Variants in CCDC7 observed in about 807,000 individuals in gnomAD.
CCDC7 encodes the protein coiled-coil domain-containing protein 7.
In CCDC7, 183 loss-of-function variants were observed where a neutral mutation model predicts 196.9. The observed-to-expected ratio is 0.93, with a 90% confidence interval of 0.82 to 1.05. The LOEUF is 1.05. Ranked by LOEUF, CCDC7 falls within the 50% of genes least tolerant of loss-of-function variation. CCDC7 has a pLI of 0.00. For synonymous variants in CCDC7, 525 were observed against 484.6 expected, an observed-to-expected ratio of 1.08 and a Z score of -1.10; for missense variants, 1,540 against 1,482.2, an observed-to-expected ratio of 1.04 and a Z score of -0.64.
chr10:32,803,913 C>G (rs1357995147), intron 29 of CCDC7, among the ~76,000 whole-genome samples: 1 of 152,054 alleles, frequency 6.6e-6, no homozygotes, highest in Non-Finnish European at 1.5e-5. Context: ...GTCGCCTCCA[C>G]CATTGAAACT....
chr10:32,444,752 G>A (rs561194061), upstream of CCDC7, among the ~76,000 whole-genome samples: 182 of 149,264 alleles, frequency 1.2e-3, 1 homozygote, highest in African/African-American at 4.4e-3. Context: ...ATTGTTGGTG[G>A]AAAGCTTAAT....
intron 18 of CCDC7, among the ~76,000 whole-genome samples, chr10:32,613,038 G>T (rs2062360413): frequency 6.6e-6 from 1 of 152,130 alleles, no homozygotes; most frequent in South Asian, 2.1e-4. Flanking sequence ...ATTCGACTGT[G>T]AAACATGTGG....
chr10:32,527,558 A>G (rs2048871478), intron 11 of CCDC7, among the ~76,000 whole-genome samples: 1 of 152,200 alleles, frequency 6.6e-6, no homozygotes. Flanking sequence ...TTAAGCTTTC[A>G]GTATTCTAAA....
rs771519336 is a variant in CCDC7 at position 32,694,874 on chromosome 10, T to C, written c.2345-5T>C. 8 of 1,570,676 alleles carry C rather than the reference T, an allele frequency of 5.1e-6. No homozygotes were observed. The highest frequency in any genetic ancestry group is 1.7e-5 in the Admixed American group (1 of 57,460). On this transcript the variant is annotated splice_region_variant and splice_polypyrimidine_tract_variant and intron_variant, in intron 23 of 41. Coordinates refer to ENST00000639629, the Ensembl canonical transcript of CCDC7. ...TTAAGAGACTAAATGCATCTCCTTATGTAGCTCATGATGAAGAACCAGGCA... is the reference window on the plus strand; with the variant it reads ...TTAAGAGACTAAATGCATCTCCTTACGTAGCTCATGATGAAGAACCAGGCA...
At chr10:32,653,809 T>C (rs917759605) in intron 20 of CCDC7, among the ~76,000 whole-genome samples, 7 of 152,204 alleles carry the variant, frequency 4.6e-5, no homozygotes, top group African/African-American at 1.4e-4. Context: ...TATGTGTGGA[T>C]TTCTATGAGT....
intron 11 of CCDC7, 87 bp downstream of exon 12, chr10:32,518,592 TATATA>T (rs1257324857): frequency 9.7e-7 from 1 of 1,027,096 alleles, no homozygotes; most frequent in Non-Finnish European, 1.3e-6. Flanking sequence ...ATTTAAATGT[TATATA>T]ATATGTTTTT....
At chr10:32,507,218 C>A (rs1443439769) in intron 9 of CCDC7, among the ~76,000 whole-genome samples, 1 of 152,024 alleles carries the variant, frequency 6.6e-6, no homozygotes, top group Non-Finnish European at 1.5e-5. Context: ...GTCTCGATCT[C>A]TTGAGCTTGT....
rs56089046 is a variant in CCDC7 at position 32,619,910 on chromosome 10, C to CTTTTTTTTTTTTTTTTTTT, written c.1802-14332_1802-14314dup. Among the ~76,000 whole-genome samples the CTTTTTTTTTTTTTTTTTTT allele has an allele frequency of 4.3e-4, 34 of 79,274 alleles. 5 individuals carry two copies. The highest frequency in any genetic ancestry group is 2.1e-3 in the African/African-American group (32 of 15,306). The allele number at this position is 79,274 out of a possible 152,430, so 52.0% of individuals were successfully genotyped here. On this transcript the variant is annotated intron_variant, in intron 18 of 41. Coordinates refer to ENST00000639629, the Ensembl canonical transcript of CCDC7. ...CACTGCTCCCAGCCCTTCAATGTAC[C>CTTTTTTTTTTTTTTTTTTT]TTTTTTTTTTTTTTTTTTTTTTTTT...
At chr10:32,468,978 C>G (rs1449281090) in intron 5 of CCDC7, among the ~76,000 whole-genome samples, 2 of 152,236 alleles carry the variant, frequency 1.3e-5, no homozygotes, top group Non-Finnish European at 2.9e-5. Context: ...GTAGGCTGAA[C>G]CTACAGTAGC....
chr10:32,689,922 A>G (rs1040436631), intron 23 of CCDC7, among the ~76,000 whole-genome samples: 1 of 152,070 alleles, frequency 6.6e-6, no homozygotes, highest in Non-Finnish European at 1.5e-5. Flanking sequence ...TTTAGTAGAG[A>G]CAGAGTTTCA....
intron 28 of CCDC7, among the ~76,000 whole-genome samples, chr10:32,729,989 T>A (rs1565318069): frequency 1.3e-5 from 2 of 152,206 alleles, no homozygotes; most frequent in African/African-American, 4.8e-5. Flanking sequence ...ATACTCTTTT[T>A]AAAATCAGCT....
At chr10:32,545,905 CAAAAA>C (rs11326989) in intron 13 of CCDC7, among the ~76,000 whole-genome samples, 1 of 64,160 alleles carries the variant, frequency 1.6e-5, no homozygotes, top group African/African-American at 5.2e-5. Context: ...AACTCCGTCT[CAAAAA>C]AAAAAAAAAA....
chr10:32,820,906 G>A (rs2090038883), intron 31 of CCDC7, among the ~76,000 whole-genome samples: 1 of 152,094 alleles, frequency 6.6e-6, no homozygotes, highest in East Asian at 1.9e-4. Context: ...ATAGGCATGG[G>A]TAAGGACTTC....
rs140186750 is a variant in CCDC7 at position 32,803,689 on chromosome 10, T to A, written c.3014-1326T>A. Reference sequence around the variant, plus strand: ...CTTCTTGGTTTTTTGTTATCAATTCTGTCTGTCTATATCTTTTAATTCAGG... The same window carrying A: ...CTTCTTGGTTTTTTGTTATCAATTCAGTCTGTCTATATCTTTTAATTCAGG... On this transcript the variant is annotated intron_variant, in intron 29 of 41. Transcript: ENST00000639629. Among the ~76,000 whole-genome samples, 34 of 152,316 alleles carry A rather than the reference T, an allele frequency of 2.2e-4. No individual in the cohort carries two copies. In the East Asian group the frequency reaches 6.6e-3, roughly 29 times the overall value.
At chr10:32,691,880 G>C (rs546555756) in intron 23 of CCDC7, among the ~76,000 whole-genome samples, 1 of 152,298 alleles carries the variant, frequency 6.6e-6, no homozygotes, top group South Asian at 2.1e-4. Flanking sequence ...GCCAAAAATA[G>C]TTCCCAACTG....
At chr10:32,481,408 G>T (rs1408410865) in intron 8 of CCDC7, among the ~76,000 whole-genome samples, 1 of 151,946 alleles carries the variant, frequency 6.6e-6, no homozygotes, top group Non-Finnish European at 1.5e-5. Context: ...ATCTTCCTTT[G>T]TGATTTGTTG....
intron 28 of CCDC7, among the ~76,000 whole-genome samples, chr10:32,746,376 G>T (rs2074733556): frequency 6.6e-6 from 1 of 152,188 alleles, no homozygotes; most frequent in Non-Finnish European, 1.5e-5. Flanking sequence ...ATTTGAGCTG[G>T]CAGGGAGAGC....
chr10:32,558,626 C>T (rs2054765629), intron 13 of CCDC7, among the ~76,000 whole-genome samples: 2 of 152,190 alleles, frequency 1.3e-5, no homozygotes, highest in Non-Finnish European at 2.9e-5. Context: ...AGAATCTTCC[C>T]TAGAGTTCTT....
chr10:32,699,084 A>G (rs891121333), intron 24 of CCDC7, among the ~76,000 whole-genome samples: 2 of 152,102 alleles, frequency 1.3e-5, no homozygotes, highest in African/African-American at 4.8e-5. Flanking sequence ...TTTAAGTTTT[A>G]GGGTACATGT....
Sources: allele counts gnomAD v4.1 joint callset (sites outside exome capture counted in the v4.1 genomes callset), GRCh38; gene constraint gnomAD v4.1.1; transcripts MANE v1.5; gene names NCBI Gene and HGNC (gene_info 2026-07-23, HGNC 2026-07-21).